The following ZNF384 variants were observed in gnomAD, a reference collection of about 807,000 sequenced individuals.
The protein encoded by ZNF384 is CAG repeat protein 1.
In ZNF384, 20 loss-of-function variants were observed where a neutral mutation model predicts 65.0. That is an observed-to-expected ratio of 0.31 (90% CI 0.22 to 0.45). The LOEUF is 0.45. Among genes scored for constraint, ZNF384 ranks in the 20% least tolerant of loss-of-function variants. The probability of loss-of-function intolerance (pLI) is 1.00; values close to 1 mark genes in which losing one functional copy is unlikely to be tolerated. For synonymous variants in ZNF384, 310 were observed against 303.9 expected, an observed-to-expected ratio of 1.02 and a Z score of -0.21; for missense variants, 549 against 769.4, an observed-to-expected ratio of 0.71 and a Z score of 3.39.
chr12:6,688,273 A>G (rs1161576822), intron 1 of ZNF384, 47 bp from the exon 2 acceptor site: 1 of 152,624 alleles, frequency 6.6e-6, no homozygotes, highest in Non-Finnish European at 1.5e-5. Flanking sequence ...GGGTGCAGCC[A>G]CCAGAGAACT....
rs991075483 is a variant in ZNF384, at chr12:6,667,109, C to G, written c.*605G>C. 2 of 234,718 alleles carry G rather than the reference C, an allele frequency of 8.5e-6. No individual in the cohort carries two copies. Among genetic ancestry groups the G allele is most frequent in the African/African-American group, 4.4e-5 (2 of 44,944 alleles). 14.5% of individuals were successfully genotyped at this position (234,718 alleles called of 1,614,324 possible). A position where few individuals can be genotyped will look rare whatever the true frequency, so the allele number is the denominator to read the frequency against. ...TGGGAATTTCTGGCCCCTTGGGGAC[C>G]ACATCTCAGCCCTTGCCCCCTTCAA... On this transcript the variant is annotated 3_prime_UTR_variant, in exon 12 of 12. Coordinates refer to ENST00000683879, the MANE Select transcript of ZNF384 (RefSeq NM_001385745.1).
In ZNF384 at chr12:6,672,712, T is replaced by C. The variant is rs1366488077; in HGVS notation, c.1005-180A>G. On this transcript the variant is annotated intron_variant, in intron 8 of 11. Transcript: ENST00000683879. This position sits in a 1 kb window ranked among gnomAD's most constrained non-coding sequence, Gnocchi z 4.4. ...AGGACACCCAGATCTAGGTTGTTGC[T>C]GATCGTAAGTCGGTGGCTAGAATGG... 6.6e-6 allele frequency among the ~76,000 whole-genome samples: 1 copy of C among 152,130 alleles called. No individual in the cohort carries two copies. Among genetic ancestry groups the C allele is most frequent in the Non-Finnish European group, 1.5e-5 (1 of 68,016 alleles).
At chr12:6,679,270 C>T (rs1954956294) in intron 3 of ZNF384, 87 bp from the exon 4 acceptor site, 4 of 1,326,248 alleles carry the variant, frequency 3.0e-6, no homozygotes, top group Admixed American at 2.1e-5. Context: ...AGTGTCTGTC[C>T]TCCTTAGGGA....
chr12:6,685,763 C>T (rs1039583084), intron 2 of ZNF384, among the ~76,000 whole-genome samples: 24 of 119,724 alleles, frequency 2.0e-4, no homozygotes, highest in African/African-American at 7.2e-4. Context: ...GGCGACAGAG[C>T]GAGACTCAGT....
In ZNF384 at chr12:6,669,064, G is replaced by A. The variant is rs1248369345; in HGVS notation, c.1392C>T (p.Tyr464=). The A allele has an allele frequency of 6.2e-7, 1 of 1,613,490 alleles. No homozygotes were observed. The highest frequency in any genetic ancestry group is 1.3e-5 in the African/African-American group (1 of 75,034). Residue 464 remains tyrosine (Y), a synonymous_variant, in exon 11 of 12, where the codon TAC becomes TAT. Transcript: ENST00000683879. ...STHTVKHAKV[Y]TCTICSRAYT... is the part of the protein sequence containing the mutation. Reference sequence around the variant, plus strand: ...ATGCCCGACTGCAGATAGTGCAGGTGTACACCTTGGCATGCTTCACTGTGT... The same window carrying A: ...ATGCCCGACTGCAGATAGTGCAGGTATACACCTTGGCATGCTTCACTGTGT...
At position 6,666,614 on chromosome 12, in the gene ZNF384, C is replaced by G. The variant is rs1377938491; in HGVS notation, c.*1100G>C. The G allele has an allele frequency of 6.5e-6, 1 of 154,326 alleles. No individual in the cohort carries two copies. Among genetic ancestry groups the G allele is most frequent in the Non-Finnish European group, 1.4e-5 (1 of 73,306 alleles). 9.6% of individuals were successfully genotyped at this position (154,326 alleles called of 1,614,324 possible). A position where few individuals can be genotyped will look rare whatever the true frequency, so the allele number is the denominator to read the frequency against. On this transcript the variant is annotated 3_prime_UTR_variant, in exon 12 of 12. Coordinates refer to ENST00000683879, the MANE Select transcript of ZNF384 (RefSeq NM_001385745.1). ...CTGATTTTTTTTTTAATTTCCTTTCCTCTGAAATCTGCCATGATTTAAAAA... is the reference window on the plus strand; with the variant it reads ...CTGATTTTTTTTTTAATTTCCTTTCGTCTGAAATCTGCCATGATTTAAAAA...
rs112714170 is a variant in ZNF384, at chr12:6,679,246, C to T, written c.67-63G>A. ...GCCTGAGAGGCTGATTCTGCTTGCT[C>T]GTGAGCACACTTCAGTGTCTGTCCT... On this transcript the variant is annotated intron_variant, in intron 3 of 11. Coordinates refer to ENST00000683879, the MANE Select transcript of ZNF384 (RefSeq NM_001385745.1). 77 of 1,435,390 alleles carry T rather than the reference C, an allele frequency of 5.4e-5. No homozygotes were observed. In the African/African-American group the frequency reaches 6.7e-4, roughly 12 times the overall value. The allele number at this position is 1,435,390 out of a possible 1,614,324, so 88.9% of individuals were successfully genotyped here.
rs1952469207 is a variant in ZNF384, at chr12:6,673,819, T to C, written c.780-379A>G. 6.6e-6 allele frequency among the ~76,000 whole-genome samples: 1 copy of C among 152,216 alleles called. No homozygotes were observed. Among genetic ancestry groups the C allele is most frequent in the African/African-American group, 2.4e-5 (1 of 41,464 alleles). ...AATTCCTTGCTCTGATGTTCCTATG[T>C]ATGAAGCACATGCCTCTGTATTCCT... is the stretch of plus-strand genomic sequence containing the variant. On this transcript the variant is annotated intron_variant, in intron 7 of 11. Transcript: ENST00000683879. The surrounding 1 kb of genome is among the most constrained non-coding windows in gnomAD (Gnocchi z 4.7).
intron 3 of ZNF384, 91 bp downstream of exon 3, chr12:6,679,360 GACCC>G (rs1954999416): frequency 7.6e-7 from 1 of 1,313,730 alleles, no homozygotes; most frequent in Non-Finnish European, 1.1e-6. Flanking sequence ...AGGGGTGGGG[GACCC>G]AGTAAAACAG....
chr12:6,673,600 C>T lies in ZNF384; in HGVS notation c.780-160G>A, dbSNP rs112170818. Among the ~76,000 whole-genome samples, 1,185 of 152,238 alleles carry T rather than the reference C, an allele frequency of 7.8e-3. 12 individuals are homozygous for T. The highest frequency in any genetic ancestry group is 0.026 in the African/African-American group (1,089 of 41,536). On this transcript the variant is annotated intron_variant, in intron 7 of 11. Coordinates refer to ENST00000683879, the MANE Select transcript of ZNF384 (RefSeq NM_001385745.1). The surrounding 1 kb of genome is among the most constrained non-coding windows in gnomAD (Gnocchi z 4.7). ...TCATCTTTATGGCCTAAGCTTCTAA[C>T]ATGGTGCCCAGCACATTATAAATAT...
intron 2 of ZNF384, among the ~76,000 whole-genome samples, chr12:6,686,903 G>C (rs2137468666): frequency 6.6e-6 from 1 of 152,232 alleles, no homozygotes; most frequent in South Asian, 2.1e-4. Flanking sequence ...TCTACAAGTA[G>C]CATCAACAAG....
Position 6,678,524 on chromosome 12 carries a change from T to C in ZNF384, c.353-64A>G. The C allele has an allele frequency of 6.5e-7, 1 of 1,540,090 alleles. No homozygotes were observed. The highest frequency in any genetic ancestry group is 8.8e-7 in the Non-Finnish European group (1 of 1,130,042). On this transcript the variant is annotated intron_variant, in intron 5 of 11. Transcript: ENST00000683879. This position sits in a 1 kb window ranked among gnomAD's most constrained non-coding sequence, Gnocchi z 4.9. ...CAGTCCTGATCCTAATCCTATTTCA[T>C]TTCCCCCAGATCATTGTCTAATTAA...
rs1342995233 is a variant in ZNF384, at chr12:6,673,665, G to C, written c.780-225C>G. Among the ~76,000 whole-genome samples, 6 of 152,126 alleles carry C rather than the reference G, an allele frequency of 3.9e-5. No individual in the cohort carries two copies. Among genetic ancestry groups the C allele is most frequent in the Non-Finnish European group, 8.8e-5 (6 of 68,028 alleles). Reference sequence around the variant, plus strand: ...CTGAATGACTGGACTGCCTCCATGTGCAAAAATGTATTTCAACCAGATAAA... The same window carrying C: ...CTGAATGACTGGACTGCCTCCATGTCCAAAAATGTATTTCAACCAGATAAA... On this transcript the variant is annotated intron_variant, in intron 7 of 11. Coordinates refer to ENST00000683879, the MANE Select transcript of ZNF384 (RefSeq NM_001385745.1). This position sits in a 1 kb window ranked among gnomAD's most constrained non-coding sequence, Gnocchi z 4.7.
intron 2 of ZNF384, among the ~76,000 whole-genome samples, chr12:6,681,621 G>A (rs74057083): frequency 0.02 from 3,049 of 152,230 alleles, 120 homozygotes; most frequent in African/African-American, 0.07. Context: ...AGGGTAGGCT[G>A]GGCACAGAAA....
At position 6,672,564 on chromosome 12, in the gene ZNF384, G is replaced by C. The variant is rs746960885; in HGVS notation, c.1005-32C>G. On this transcript the variant is annotated intron_variant, in intron 8 of 11. Coordinates refer to ENST00000683879, the MANE Select transcript of ZNF384 (RefSeq NM_001385745.1). This position sits in a 1 kb window ranked among gnomAD's most constrained non-coding sequence, Gnocchi z 4.4. ...GAGAGGAGAGGAGGGAAGGGGGGAG[G>C]AGGAAGCAGTTCGACACCAGGGGCT... 6.2e-6 allele frequency: 10 copies of C among 1,602,330 alleles called. No individual in the cohort carries two copies. Among genetic ancestry groups the C allele is most frequent in the Non-Finnish European group, 6.0e-6 (7 of 1,171,196 alleles).
intron 6 of ZNF384, among the ~76,000 whole-genome samples, 160 bp from the exon 7 acceptor site, chr12:6,677,419 G>A (rs548940658): frequency 1.3e-5 from 2 of 152,188 alleles, no homozygotes; most frequent in Admixed American, 6.5e-5. Flanking sequence ...ACTAGGGCAC[G>A]TGACAGTTCT....
chr12:6,673,543 C>T lies in ZNF384; in HGVS notation c.780-103G>A, dbSNP rs1952354479. The T allele has an allele frequency of 3.3e-6, 3 of 915,744 alleles. No individual in the cohort carries two copies. Among genetic ancestry groups the T allele is most frequent in the Middle Eastern group, 2.8e-4 (1 of 3,534 alleles). The allele number at this position is 915,744 out of a possible 1,614,324, so 56.7% of individuals were successfully genotyped here. On this transcript the variant is annotated intron_variant, in intron 7 of 11. Coordinates refer to ENST00000683879, the MANE Select transcript of ZNF384 (RefSeq NM_001385745.1). The surrounding 1 kb of genome is among the most constrained non-coding windows in gnomAD (Gnocchi z 4.7). ...GAAGCCCACCTATCTGAGGTCTCTC[C>T]TACTCCAACTTGAGAGTAGAGCTCT...
intron 3 of ZNF384, 87 bp downstream of exon 3, chr12:6,679,367 TA>T (rs1324775921): frequency 5.1e-6 from 7 of 1,373,538 alleles, no homozygotes; most frequent in Non-Finnish European, 6.2e-6. Flanking sequence ...GGGGACCCAG[TA>T]AAACAGCATG....
At chr12:6,681,749 T>C (rs1956047629) in intron 2 of ZNF384, among the ~76,000 whole-genome samples, 1 of 152,172 alleles carries the variant, frequency 6.6e-6, no homozygotes, top group African/African-American at 2.4e-5. Context: ...CTTTTTTTGT[T>C]CTATTAAACA....
Sources: allele counts gnomAD v4.1 joint callset (sites outside exome capture counted in the v4.1 genomes callset), GRCh38; gene constraint gnomAD v4.1.1; non-coding constraint Gnocchi (gnomAD v3.1); transcripts MANE v1.5; gene names NCBI Gene and HGNC (gene_info 2026-07-23, HGNC 2026-07-21).